The following MAGI2 variants were observed in gnomAD, a reference collection of about 807,000 sequenced individuals.
MAGI2 encodes the protein membrane-associated guanylate kinase, WW and PDZ domain-containing protein 2.
In MAGI2, 35 loss-of-function variants were observed where a neutral mutation model predicts 133.3. The observed-to-expected ratio is 0.26, with a 90% CI of 0.20 to 0.35. The LOEUF (loss-of-function observed/expected upper bound fraction) is 0.35. MAGI2 is among the 10% of genes least tolerant of loss of function. The pLI is 1.00. For synonymous variants in MAGI2, 729 were observed against 710.6 expected (o/e 1.03, Z -0.41); for missense variants, 1,636 against 1,863.4 (o/e 0.88, Z 2.25).
intron 4 of MAGI2, among the ~76,000 whole-genome samples, chr7:78,507,798 G>GAGCATACTAAC (rs1795215560): frequency 6.6e-6 from 1 of 152,138 alleles, no homozygotes; most frequent in South Asian, 2.1e-4. Flanking sequence ...CATTTATTTA[G>GAGCATACTAAC]AGCATACTAA....
chr7:79,089,122 C>T (rs1035985116), intron 1 of MAGI2, among the ~76,000 whole-genome samples: 1 of 151,806 alleles, frequency 6.6e-6, no homozygotes, highest in Non-Finnish European at 1.5e-5. Context: ...GACAAACAAC[C>T]CCATCAAAAA....
chr7:78,109,350 A>AG (rs1291425403), intron 20 of MAGI2, among the ~76,000 whole-genome samples: 5 of 133,254 alleles, frequency 3.8e-5, no homozygotes, highest in African/African-American at 1.4e-4. Context: ...AAGAAAAAAA[A>AG]AAGAAAATCC....
intron 11 of MAGI2, chr7:78,197,877 G>A (rs986876469): frequency 3.9e-5 from 6 of 152,414 alleles, no homozygotes; most frequent in Non-Finnish European, 7.3e-5. Flanking sequence ...ACCTGCCCTG[G>A]GGTCAGAGGT....
At chr7:79,254,979 T>G (rs1028279131) in intron 1 of MAGI2, among the ~76,000 whole-genome samples, 2 of 152,196 alleles carry the variant, frequency 1.3e-5, no homozygotes, top group African/African-American at 2.4e-5. Context: ...CTAGTACTCA[T>G]TCTTCTGAGC....
At chr7:78,943,276 A>T (rs756484202) in intron 2 of MAGI2, among the ~76,000 whole-genome samples, 4 of 152,180 alleles carry the variant, frequency 2.6e-5, no homozygotes, top group Non-Finnish European at 2.9e-5. Flanking sequence ...TTTTTAAAAA[A>T]ATTGGCAAGT....
At chr7:78,655,470 A>C (rs995375959) in intron 2 of MAGI2, among the ~76,000 whole-genome samples, 3 of 143,120 alleles carry the variant, frequency 2.1e-5, no homozygotes, top group South Asian at 2.2e-4. Context: ...AAAAAAAAAA[A>C]AAAAACCACC....
intron 1 of MAGI2, among the ~76,000 whole-genome samples, chr7:79,394,054 G>A (rs919828405): frequency 6.6e-6 from 1 of 152,074 alleles, no homozygotes; most frequent in African/African-American, 2.4e-5. Context: ...CCAAGTCACT[G>A]GTGTACAAGA....
At chr7:79,298,899 C>A (rs1414146439) in intron 1 of MAGI2, among the ~76,000 whole-genome samples, 1 of 152,012 alleles carries the variant, frequency 6.6e-6, no homozygotes, top group Non-Finnish European at 1.5e-5. Flanking sequence ...AGAAGAGAAG[C>A]CTCAGAAGAA....
chr7:78,962,038 T>A (rs1046494579), intron 2 of MAGI2, among the ~76,000 whole-genome samples: 9 of 152,052 alleles, frequency 5.9e-5, no homozygotes, highest in African/African-American at 2.2e-4. Flanking sequence ...AAAGGCACAG[T>A]AAAAATATGA....
intron 2 of MAGI2, among the ~76,000 whole-genome samples, chr7:78,738,016 A>G (rs893825577): frequency 1.3e-5 from 2 of 152,152 alleles, no homozygotes; most frequent in African/African-American, 4.8e-5. Flanking sequence ...AATTTCAGAG[A>G]TTGAAATTTC....
At chr7:78,858,230 GT>G (rs1385772490) in intron 2 of MAGI2, among the ~76,000 whole-genome samples, 5 of 151,902 alleles carry the variant, frequency 3.3e-5, no homozygotes, top group Admixed American at 6.6e-5. Flanking sequence ...CTTTTGAAGG[GT>G]TTTTTTGTGT....
chr7:78,701,231 T>G (rs866343927), intron 2 of MAGI2, among the ~76,000 whole-genome samples: 3 of 151,926 alleles, frequency 2.0e-5, no homozygotes, highest in African/African-American at 4.8e-5. Context: ...CATTAGTATG[T>G]TCACTATATA....
intron 9 of MAGI2, among the ~76,000 whole-genome samples, chr7:78,307,837 G>A (rs970706761): frequency 5.9e-5 from 9 of 152,104 alleles, no homozygotes; most frequent in South Asian, 2.1e-4. Flanking sequence ...CTAAAAAATC[G>A]TTTCAGGAAT....
intron 6 of MAGI2, among the ~76,000 whole-genome samples, chr7:78,461,083 T>A (rs570587445): frequency 5.3e-5 from 8 of 152,290 alleles, no homozygotes; most frequent in Non-Finnish European, 1.0e-4. Context: ...CCATTGAGTT[T>A]TTTTTAATCT....
chr7:79,215,405 G>A (rs1233028879), intron 1 of MAGI2, among the ~76,000 whole-genome samples: 2 of 151,966 alleles, frequency 1.3e-5, no homozygotes, highest in East Asian at 3.8e-4. Flanking sequence ...CAGGAGAAAT[G>A]AAGAGTCTGG....
chr7:79,166,069 A>G (rs1437073854), intron 1 of MAGI2, among the ~76,000 whole-genome samples: 1 of 152,086 alleles, frequency 6.6e-6, no homozygotes, highest in African/African-American at 2.4e-5. Flanking sequence ...TTATTAGAAA[A>G]CATTGAAGTC....
chr7:78,156,298 G>T, intron 16 of MAGI2, among the ~76,000 whole-genome samples: 1 of 152,130 alleles, frequency 6.6e-6, no homozygotes, highest in East Asian at 1.9e-4. Context: ...GCCACATGTG[G>T]GGAAGGGGAC....
intron 1 of MAGI2, among the ~76,000 whole-genome samples, chr7:79,235,784 G>A (rs909960418): frequency 3.9e-5 from 6 of 152,208 alleles, no homozygotes; most frequent in Admixed American, 2.0e-4. Context: ...GCTGTAGACC[G>A]GAGCTGTTCC....
At chr7:78,857,474 T>C (rs1563587242) in intron 2 of MAGI2, among the ~76,000 whole-genome samples, 1 of 152,194 alleles carries the variant, frequency 6.6e-6, no homozygotes, top group Admixed American at 6.5e-5. Context: ...AGGTGTCGAA[T>C]TTTGTTGAAG....
Sources: gnomAD v4.1 joint callset for allele counts (sites outside exome capture counted in the v4.1 genomes callset) on GRCh38, gnomAD v4.1.1 for gene constraint, MANE v1.5 for transcripts, NCBI Gene and HGNC (gene_info 2026-07-23, HGNC 2026-07-21) for gene names.